Variants in QSOX1 observed in about 807,000 individuals in gnomAD.
QSOX1 encodes the protein sulfhydryl oxidase 1.
A neutral mutation model predicts 76.1 loss-of-function variants in QSOX1; 40 were observed. That is an observed-to-expected ratio of 0.53 (90% confidence interval 0.41 to 0.68). The LOEUF (loss-of-function observed/expected upper bound fraction) is 0.68, where lower values mean the gene tolerates loss of function less well. Ranked by LOEUF, QSOX1 falls within the 30% of genes least tolerant of loss-of-function variation. QSOX1 has a pLI of 0.00. For synonymous variants in QSOX1, 392 were observed against 413.1 expected, an observed-to-expected ratio of 0.95 and a Z score of 0.62; for missense variants, 931 against 974.3, an observed-to-expected ratio of 0.96 and a Z score of 0.59.
In QSOX1 at chr1:180,189,659, G is replaced by A. The variant is rs776101885; in HGVS notation, c.1125G>A (p.Leu375=). The A allele has an allele frequency of 6.2e-7, 1 of 1,612,690 alleles. No homozygotes were observed. Among genetic ancestry groups the A allele is most frequent in the Non-Finnish European group, 8.5e-7 (1 of 1,179,204 alleles). ...CCTACAGTTTCTTTAAAACTGCCCT[G>A]GACGACAGGAAAGAGGTGAGTCTGG... The part of the protein sequence containing the change: ...KIPYSFFKTA[L]DDRKEGAVLA... The change falls in exon 9 of 12, where the codon CTG becomes CTA. Residue 375 remains leucine (L), a synonymous_variant. Transcript: ENST00000367602.
At chr1:180,156,879 C>T (rs1292351109) in intron 1 of QSOX1, among the ~76,000 whole-genome samples, 2 of 152,162 alleles carry the variant, frequency 1.3e-5, no homozygotes, top group Non-Finnish European at 2.9e-5. Flanking sequence ...TCGCTTTCCA[C>T]TTTGAGGTTA....
chr1:180,183,221 C>T (rs1572049571), intron 6 of QSOX1, among the ~76,000 whole-genome samples: 1 of 151,912 alleles, frequency 6.6e-6, no homozygotes, highest in Non-Finnish European at 1.5e-5. Context: ...TGAAGCCGTG[C>T]GTCCCATGCC....
At chr1:180,183,851 T>C (rs937288006) in intron 6 of QSOX1, 65 bp from the exon 7 acceptor site, 23 of 1,478,240 alleles carry the variant, frequency 1.6e-5, no homozygotes, top group Non-Finnish European at 2.0e-5. Flanking sequence ...TCTTCTGACA[T>C]TGGTTAGCTC....
At chr1:180,156,982 CAT>C (rs1277402260) in intron 1 of QSOX1, among the ~76,000 whole-genome samples, 1 of 152,210 alleles carries the variant, frequency 6.6e-6, no homozygotes, top group East Asian at 1.9e-4. Flanking sequence ...AGCTGACTCA[CAT>C]GTTTGGCCTC....
Position 180,186,684 on chromosome 1 carries a change from G to A in QSOX1, c.1017+502G>A, listed in dbSNP as rs147924032. Reference sequence around the variant, plus strand: ...TTCCCCGGGAAGGTGGCTACTCCACGAAGGGTAGCTCCTATTTATTGAGGA... The same window carrying A: ...TTCCCCGGGAAGGTGGCTACTCCACAAAGGGTAGCTCCTATTTATTGAGGA... On this transcript the variant is annotated intron_variant, in intron 8 of 11. Coordinates refer to ENST00000367602, the MANE Select transcript of QSOX1 (RefSeq NM_002826.5). Among the ~76,000 whole-genome samples, 186 of 152,366 alleles carry A rather than the reference G, an allele frequency of 1.2e-3. 1 individual carries two copies. Among genetic ancestry groups the A allele is most frequent in the African/African-American group, 4.4e-3 (183 of 41,586 alleles).
At position 180,183,793 on chromosome 1, in the gene QSOX1, G is replaced by T; in HGVS notation, c.753-123G>T. ...CTCACAGAGGACAAGATGGAATCTC[G>T]TTCACATATTTAATAAACCTTCCTG... On this transcript the variant is annotated intron_variant, in intron 6 of 11. Coordinates refer to ENST00000367602, the MANE Select transcript of QSOX1 (RefSeq NM_002826.5). 7.8e-6 allele frequency: 9 copies of T among 1,148,550 alleles called. No homozygotes were observed. The South Asian group carries it at 1.2e-4, about 15-fold the overall frequency. The allele number at this position is 1,148,550 out of a possible 1,614,324, so 71.1% of individuals were successfully genotyped here. A position where few individuals can be genotyped will look rare whatever the true frequency, so the allele number is the denominator to read the frequency against.
chr1:180,186,998 T>C lies in QSOX1; in HGVS notation c.1017+816T>C, dbSNP rs536778074. Among the ~76,000 whole-genome samples the C allele has an allele frequency of 1.2e-4, 18 of 152,360 alleles. No individual in the cohort carries two copies. The South Asian group carries it at 1.4e-3, about 12-fold the overall frequency. On this transcript the variant is annotated intron_variant, in intron 8 of 11. Coordinates refer to ENST00000367602, the MANE Select transcript of QSOX1 (RefSeq NM_002826.5). ...AGTACTGCTGAGTCAGATGTGGCTC[T>C]GGGCGCTTCGGGTTTGGCCGCTGGC...
At chr1:180,171,094 A>G (rs1662748986) in intron 2 of QSOX1, among the ~76,000 whole-genome samples, 1 of 152,228 alleles carries the variant, frequency 6.6e-6, no homozygotes, top group Non-Finnish European at 1.5e-5. Flanking sequence ...TGTTCAGACC[A>G]GAACTGTGCC....
intron 2 of QSOX1, among the ~76,000 whole-genome samples, chr1:180,174,000 G>A (rs16855370): frequency 0.016 from 2,375 of 152,358 alleles, 77 homozygotes; most frequent in African/African-American, 0.054. Flanking sequence ...AGAGCCCGGG[G>A]CCTGTTCTCA....
chr1:180,161,575 A>G (rs1167843884), intron 1 of QSOX1, among the ~76,000 whole-genome samples: 1 of 152,260 alleles, frequency 6.6e-6, no homozygotes, highest in Non-Finnish European at 1.5e-5. Flanking sequence ...TAGTTTCTGA[A>G]TTCCAGAGAG....
chr1:180,179,746 G>C (rs1239440918), intron 5 of QSOX1, among the ~76,000 whole-genome samples: 1 of 152,238 alleles, frequency 6.6e-6, no homozygotes, highest in Non-Finnish European at 1.5e-5. Context: ...CAGCCTGAGT[G>C]ATTTTCCTGC....
intron 6 of QSOX1, 99 bp from the exon 7 acceptor site, chr1:180,183,817 T>C (rs1663099787): frequency 1.2e-5 from 16 of 1,332,838 alleles, no homozygotes; most frequent in Middle Eastern, 1.9e-4. Context: ...TAAACCTTCC[T>C]GTCCGATGAG....
In QSOX1 at chr1:180,194,302, G is replaced by C; in HGVS notation, c.1378G>C (p.Ala460Pro). Reference sequence around the variant, plus strand: ...CTGCGCTAGCCACTTCGAGCAGATGGCTGCTGCCTCCATGCACCGGGTGGG... The same window carrying C: ...CTGCGCTAGCCACTTCGAGCAGATGCCTGCTGCCTCCATGCACCGGGTGGG... ...RDCASHFEQM[A>P]AASMHRVGSP... Residue 460 changes from alanine (A) to proline (P), a missense_variant, in exon 11 of 12, where the codon GCT becomes CCT. Ala to Pro is a conservative substitution (Grantham distance 27). Transcript: ENST00000367602. 1 of 1,612,168 alleles carries C rather than the reference G, an allele frequency of 6.2e-7. No homozygotes were observed. The highest frequency in any genetic ancestry group is 8.5e-7 in the Non-Finnish European group (1 of 1,178,746).
chr1:180,190,512 T>C lies in QSOX1; in HGVS notation c.1220T>C (p.Leu407Pro). The change falls in exon 10 of 12, where the codon CTG becomes CCG. Residue 407 changes from leucine to proline, a missense_variant. Transcript: ENST00000367602. Reference protein sequence around the residue: ...EPHFRGFPCSLWVLFHFLTVQ... With the variant: ...EPHFRGFPCSPWVLFHFLTVQ... ...CATTTCCGGGGCTTTCCCTGCTCCC[T>C]GTGGGTCCTCTTCCACTTCTTGACT... 6.2e-7 allele frequency: 1 copy of C among 1,614,188 alleles called. No individual in the cohort carries two copies.
chr1:180,188,236 C>A (rs891825607), intron 8 of QSOX1, among the ~76,000 whole-genome samples: 3 of 152,034 alleles, frequency 2.0e-5, no homozygotes, highest in Non-Finnish European at 4.4e-5. Flanking sequence ...TGCTGGCTCC[C>A]CCTGGCTAGC....
At position 180,197,345 on chromosome 1, in the gene QSOX1, C is replaced by CCTGCCTCATTCTCA. The variant is rs1168601763; in HGVS notation, c.*312_*325dup. 5.0e-6 allele frequency: 8 copies of CCTGCCTCATTCTCA among 1,613,912 alleles called. No homozygotes were observed. The African/African-American group carries it at 1.1e-4, about 22-fold the overall frequency. On this transcript the variant is annotated 3_prime_UTR_variant, in exon 12 of 12. Transcript: ENST00000367602. ...TCCTGTTTTTCAGCTTATTTGAAGT[C>CCTGCCTCATTCTCA]CTGCCTCATTCTCACTGGAGCCTCA... is the stretch of plus-strand genomic sequence containing the variant.
rs184302868 is a variant in QSOX1, at chr1:180,194,381, C to G, written c.1457C>G (p.Ala486Gly). Residue 486 changes from alanine (A) to glycine (G), a missense_variant, in exon 11 of 12, where the codon GCT (alanine) becomes GGT (glycine). Transcript: ENST00000367602. Reference sequence around the variant, plus strand: ...TGGTCTAGCCACAACAGGGTCAATGCTCGCCTTGCAGGTAAGGAAGGACCA... The same window carrying G: ...TGGTCTAGCCACAACAGGGTCAATGGTCGCCTTGCAGGTAAGGAAGGACCA... The part of the protein sequence containing the change: ...WLWSSHNRVN[A>G]RLAGAPSEDP... 6.4e-7 allele frequency: 1 copy of G among 1,552,460 alleles called. No homozygotes were observed. Among genetic ancestry groups the G allele is most frequent in the East Asian group, 2.3e-5 (1 of 42,744 alleles).
At chr1:180,186,575 G>A (rs1663178893) in intron 8 of QSOX1, among the ~76,000 whole-genome samples, 1 of 152,220 alleles carries the variant, frequency 6.6e-6, no homozygotes, top group Non-Finnish European at 1.5e-5. Flanking sequence ...GCGAAGGAGA[G>A]GATGCTCTTC....
intron 8 of QSOX1, among the ~76,000 whole-genome samples, chr1:180,187,865 G>A (rs1343057222): frequency 6.6e-6 from 1 of 152,226 alleles, no homozygotes; most frequent in African/African-American, 2.4e-5. Flanking sequence ...TTTGGGTTTT[G>A]CCCGCACATC....
Sources: allele counts gnomAD v4.1 joint callset (sites outside exome capture counted in the v4.1 genomes callset), GRCh38; gene constraint gnomAD v4.1.1; transcripts MANE v1.5; gene names NCBI Gene and HGNC (gene_info 2026-07-23, HGNC 2026-07-21).